Variants in PEBP4 observed in about 807,000 individuals in gnomAD.
PEBP4 encodes the protein phosphatidylethanolamine binding protein 4.
A neutral mutation model predicts 23.9 loss-of-function variants in PEBP4; 22 were observed. That is an observed-to-expected ratio of 0.92 (90% CI 0.66 to 1.31). The LOEUF is 1.31. PEBP4 is among the 40% of genes most tolerant of loss of function. PEBP4 has a pLI of 0.00. For missense variants in PEBP4, 324 were observed against 281.7 expected (o/e 1.15, Z -1.07); for synonymous variants, 112 against 99.3 (o/e 1.13, Z -0.76).
chr8:22,880,983 G>A (rs1164400075), intron 3 of PEBP4, among the ~76,000 whole-genome samples: 1 of 152,220 alleles, frequency 6.6e-6, no homozygotes, highest in Non-Finnish European at 1.5e-5. Context: ...GGGGGAAGAG[G>A]TGGGGACTGA....
chr8:22,747,960 G>C (rs1038130055), intron 4 of PEBP4, among the ~76,000 whole-genome samples: 1 of 152,220 alleles, frequency 6.6e-6, no homozygotes, highest in African/African-American at 2.4e-5. Flanking sequence ...CTGGAGGAGA[G>C]GTTCGTCCCA....
chr8:22,923,118 T>A (rs543043835), intron 2 of PEBP4, among the ~76,000 whole-genome samples: 1 of 152,306 alleles, frequency 6.6e-6, no homozygotes, highest in African/African-American at 2.4e-5. Flanking sequence ...AGCTGCTACG[T>A]GTTGGAGTGA....
chr8:22,917,493 G>A (rs1246168115), intron 3 of PEBP4, among the ~76,000 whole-genome samples: 1 of 152,116 alleles, frequency 6.6e-6, no homozygotes, highest in African/African-American at 2.4e-5. Flanking sequence ...AGCGCCCCCT[G>A]GTGTCTCCCT....
chr8:22,851,623 C>A (rs764568157), intron 3 of PEBP4, among the ~76,000 whole-genome samples: 22 of 152,170 alleles, frequency 1.4e-4, no homozygotes, highest in African/African-American at 1.7e-4. Flanking sequence ...TAGAGTTACT[C>A]GGGTCCTCAC....
chr8:22,912,316 G>A (rs1192828996), intron 3 of PEBP4, among the ~76,000 whole-genome samples: 1 of 152,220 alleles, frequency 6.6e-6, no homozygotes, highest in Non-Finnish European at 1.5e-5. Context: ...GGGCAGGGGT[G>A]CGTTCTGTGT....
At chr8:22,933,187 A>G (rs1370337788) in intron 1 of PEBP4, among the ~76,000 whole-genome samples, 1 of 152,154 alleles carries the variant, frequency 6.6e-6, no homozygotes, top group Non-Finnish European at 1.5e-5. Context: ...TTGCAGGAGT[A>G]GTCTCTGCTT....
intron 3 of PEBP4, among the ~76,000 whole-genome samples, chr8:22,905,547 T>A (rs1044655054): frequency 9.2e-5 from 14 of 152,370 alleles, no homozygotes; most frequent in African/African-American, 3.1e-4. Context: ...TTTACTTGAA[T>A]GTTGTTGTTC....
intron 4 of PEBP4, among the ~76,000 whole-genome samples, chr8:22,762,587 C>A (rs184883442): frequency 6.6e-4 from 100 of 152,196 alleles, no homozygotes; most frequent in African/African-American, 2.4e-3. Flanking sequence ...TGATATTGAC[C>A]CATCTGGTTT....
In PEBP4 at chr8:22,788,709, A is replaced by C. The variant is rs1341016314; in HGVS notation, c.357+28928T>G. ...ATTGATACAAGGATTCTACATTGAT[A>C]GAAATTCTAAATTCTGGATGGCATT... On this transcript the variant is annotated intron_variant, in intron 4 of 6. Transcript: ENST00000256404. Among the ~76,000 whole-genome samples, 10 of 152,268 alleles carry C rather than the reference A, an allele frequency of 6.6e-5. No homozygotes were observed. In the East Asian group the frequency reaches 1.9e-3, roughly 29 times the overall value.
chr8:22,872,507 G>A (rs1208582621), intron 3 of PEBP4, among the ~76,000 whole-genome samples: 1 of 152,250 alleles, frequency 6.6e-6, no homozygotes, highest in Admixed American at 6.5e-5. Flanking sequence ...TTTCTGTTAG[G>A]ACAGGGGAAA....
At chr8:22,721,257 A>C (rs964346094) in intron 6 of PEBP4, among the ~76,000 whole-genome samples, 28 of 152,146 alleles carry the variant, frequency 1.8e-4, no homozygotes, top group African/African-American at 6.0e-4. Flanking sequence ...ATTGCAGATC[A>C]ACTAGTCTAA....
At chr8:22,824,294 C>T (rs1268895610) in intron 3 of PEBP4, among the ~76,000 whole-genome samples, 1 of 152,030 alleles carries the variant, frequency 6.6e-6, no homozygotes, top group African/African-American at 2.4e-5. Flanking sequence ...GGTGAGAAAT[C>T]CCAGAACCCT....
intron 4 of PEBP4, among the ~76,000 whole-genome samples, chr8:22,772,364 C>A (rs577099089): frequency 2.6e-5 from 4 of 152,298 alleles, no homozygotes; most frequent in South Asian, 4.1e-4. Flanking sequence ...GAGTCCCAGG[C>A]AAACTGTAAG....
At chr8:22,866,632 G>A (rs1213096551) in intron 3 of PEBP4, among the ~76,000 whole-genome samples, 1 of 152,050 alleles carries the variant, frequency 6.6e-6, no homozygotes, top group Non-Finnish European at 1.5e-5. Context: ...ATAGCCTTAA[G>A]GGGGTGGGGT....
upstream of PEBP4, among the ~76,000 whole-genome samples, chr8:22,931,461 G>A (rs1283415731): frequency 6.6e-6 from 1 of 152,036 alleles, no homozygotes; most frequent in Non-Finnish European, 1.5e-5. Context: ...TATTTTGGAT[G>A]CCTCTACCAA....
At chr8:22,902,301 C>A (rs762635199) in intron 3 of PEBP4, among the ~76,000 whole-genome samples, 1 of 152,168 alleles carries the variant, frequency 6.6e-6, no homozygotes, top group Non-Finnish European at 1.5e-5. Flanking sequence ...CGCACTCCAG[C>A]CTGGATGACA....
chr8:22,721,866 C>A (rs1804525761), intron 6 of PEBP4, among the ~76,000 whole-genome samples: 1 of 152,276 alleles, frequency 6.6e-6, no homozygotes, highest in South Asian at 2.1e-4. Flanking sequence ...CAGGCACCGT[C>A]CAGGTGCTTC....
intron 4 of PEBP4, among the ~76,000 whole-genome samples, chr8:22,789,185 G>A (rs764767803): frequency 6.6e-6 from 1 of 152,090 alleles, no homozygotes; most frequent in African/African-American, 2.4e-5. Context: ...AAATGAAACA[G>A]AAAGACAGTT....
At chr8:22,836,326 T>G (rs577203258) in intron 3 of PEBP4, among the ~76,000 whole-genome samples, 1 of 152,326 alleles carries the variant, frequency 6.6e-6, no homozygotes, top group African/African-American at 2.4e-5. Context: ...AATTCCACTC[T>G]CTTCCCCCTG....
Sources: gnomAD v4.1 joint callset for allele counts (sites outside exome capture counted in the v4.1 genomes callset) on GRCh38, gnomAD v4.1.1 for gene constraint, MANE v1.5 for transcripts, NCBI Gene and HGNC (gene_info 2026-07-23, HGNC 2026-07-21) for gene names.